The following TTC33 variants were observed in gnomAD, a reference collection of about 807,000 sequenced individuals.
TTC33 encodes the protein tetratricopeptide repeat domain 33.
TTC33 carries 24 observed loss-of-function variants against 29.4 expected under a neutral mutation model. The ratio of observed to expected loss-of-function variants is 0.82; its 90% confidence interval spans 0.59 to 1.15. TTC33 has a LOEUF of 1.15. Among genes scored for constraint, TTC33 ranks in the 50% most tolerant of loss-of-function variants. The pLI is 0.00. For synonymous variants in TTC33, 107 were observed against 100.3 expected (o/e 1.07, Z -0.40); for missense variants, 286 against 310.4 (o/e 0.92, Z 0.59).
chr5:40,726,760 C>T (rs1411040421), intron 4 of TTC33, among the ~76,000 whole-genome samples: 4 of 151,886 alleles, frequency 2.6e-5, no homozygotes, highest in African/African-American at 9.7e-5. Context: ...ATATTATGTC[C>T]TAGAGATTTG....
chr5:40,744,740 T>C (rs1295903980), intron 2 of TTC33, among the ~76,000 whole-genome samples: 2 of 152,128 alleles, frequency 1.3e-5, no homozygotes, highest in Non-Finnish European at 2.9e-5. Context: ...ACAATTCTTA[T>C]ACTGTCAAGT....
Position 40,715,827 on chromosome 5 carries a change from T to A in TTC33, c.*318A>T. 4.6e-6 allele frequency: 1 copy of A among 217,168 alleles called. No homozygotes were observed. The highest frequency in any genetic ancestry group is 1.0e-4 in the East Asian group (1 of 9,972). 13.5% of individuals were successfully genotyped at this position (217,168 alleles called of 1,614,324 possible). ...CAGCATTTCAGTAACATTGATCAAA[T>A]TATTCACTATTCAAGAATACATTTT... On this transcript the variant is annotated 3_prime_UTR_variant, in exon 5 of 5. Transcript: ENST00000337702.
intron 2 of TTC33, among the ~76,000 whole-genome samples, chr5:40,743,737 G>A (rs1742741905): frequency 6.6e-6 from 1 of 152,108 alleles, no homozygotes; most frequent in Non-Finnish European, 1.5e-5. Flanking sequence ...TCGCGCCACT[G>A]CACTCCAGCC....
intron 4 of TTC33, among the ~76,000 whole-genome samples, chr5:40,725,150 AT>A (rs1221514002): frequency 0.041 from 5,760 of 139,178 alleles, 104 homozygotes; most frequent in Middle Eastern, 0.11. Context: ...GCCCAGCCAA[AT>A]TTTTTTTTTT....
At chr5:40,723,096 T>C (rs1742187403) in intron 4 of TTC33, among the ~76,000 whole-genome samples, 3 of 152,006 alleles carry the variant, frequency 2.0e-5, no homozygotes, top group Admixed American at 2.0e-4. Flanking sequence ...CTAAGAAAAA[T>C]TCTTCTGCCT....
chr5:40,720,537 A>C (rs1487369507), intron 4 of TTC33, among the ~76,000 whole-genome samples: 1 of 152,236 alleles, frequency 6.6e-6, no homozygotes, highest in African/African-American at 2.4e-5. Context: ...AAGATAGTTT[A>C]AAATCTCCCA....
At chr5:40,746,750 T>A (rs1478425933) in intron 2 of TTC33, 48 bp downstream of exon 2, 3 of 1,404,732 alleles carry the variant, frequency 2.1e-6, no homozygotes, top group African/African-American at 1.4e-5. Flanking sequence ...GACAGTGAGC[T>A]AGAAAATGTA....
At chr5:40,744,122 C>T (rs563141201) in intron 2 of TTC33, among the ~76,000 whole-genome samples, 1 of 152,290 alleles carries the variant, frequency 6.6e-6, no homozygotes, top group East Asian at 1.9e-4. Context: ...TATGGATGTA[C>T]TCAAAGTATT....
chr5:40,733,380 TC>T (rs1051748987), intron 2 of TTC33, among the ~76,000 whole-genome samples: 5 of 152,094 alleles, frequency 3.3e-5, no homozygotes, highest in African/African-American at 1.2e-4. Context: ...TATTACTGTA[TC>T]CCAAAATAAG....
chr5:40,748,503 G>C (rs1742841365), intron 1 of TTC33, among the ~76,000 whole-genome samples: 1 of 152,072 alleles, frequency 6.6e-6, no homozygotes, highest in Non-Finnish European at 1.5e-5. Context: ...GCAAATTATG[G>C]CTATTTTTTC....
chr5:40,747,250 G>A (rs866818918), intron 1 of TTC33, among the ~76,000 whole-genome samples: 10 of 152,078 alleles, frequency 6.6e-5, no homozygotes, highest in South Asian at 2.1e-4. Flanking sequence ...TAGAGACGGG[G>A]TTTCTCCATG....
At chr5:40,724,100 G>A (rs922811475) in intron 4 of TTC33, among the ~76,000 whole-genome samples, 2 of 152,242 alleles carry the variant, frequency 1.3e-5, no homozygotes, top group African/African-American at 2.4e-5. Flanking sequence ...CACTATTCAC[G>A]ATAGCCAATA....
chr5:40,719,592 CTA>C (rs1211987160), intron 4 of TTC33, among the ~76,000 whole-genome samples: 3 of 152,196 alleles, frequency 2.0e-5, no homozygotes, highest in Admixed American at 1.3e-4. Context: ...CATATGATAA[CTA>C]TATGTTTCAT....
At chr5:40,754,205 G>A (rs986395638) in intron 1 of TTC33, among the ~76,000 whole-genome samples, 2 of 152,194 alleles carry the variant, frequency 1.3e-5, no homozygotes, top group African/African-American at 4.8e-5. Context: ...GAGACCTAGA[G>A]ATCAGGGGCT....
intron 4 of TTC33, among the ~76,000 whole-genome samples, chr5:40,718,016 C>A (rs1034416155): frequency 6.7e-6 from 1 of 150,140 alleles, no homozygotes; most frequent in Non-Finnish European, 1.5e-5. Context: ...GAGCCAAGAT[C>A]GCACAATTAT....
intron 4 of TTC33, among the ~76,000 whole-genome samples, chr5:40,726,341 C>T (rs1215888826): frequency 2.0e-5 from 3 of 151,688 alleles, no homozygotes; most frequent in South Asian, 2.1e-4. Context: ...TATTTACATA[C>T]ATAATTTCCT....
At chr5:40,718,738 GAA>G (rs979996038) in intron 4 of TTC33, among the ~76,000 whole-genome samples, 1 of 138,678 alleles carries the variant, frequency 7.2e-6, no homozygotes. Flanking sequence ...ATTCCGTCTC[GAA>G]AAAAAAAAAA....
At chr5:40,723,042 TG>T (rs776360557) in intron 4 of TTC33, among the ~76,000 whole-genome samples, 1 of 152,198 alleles carries the variant, frequency 6.6e-6, no homozygotes, top group Non-Finnish European at 1.5e-5. Flanking sequence ...TTACTGTGTC[TG>T]GGTAGAAAGA....
At chr5:40,735,755 C>T (rs1387156499) in intron 2 of TTC33, among the ~76,000 whole-genome samples, 3 of 152,074 alleles carry the variant, frequency 2.0e-5, no homozygotes, top group Non-Finnish European at 2.9e-5. Flanking sequence ...GATGAGAGAG[C>T]AGTGTATTTA....
Sources: allele counts gnomAD v4.1 joint callset (sites outside exome capture counted in the v4.1 genomes callset), GRCh38; gene constraint gnomAD v4.1.1; transcripts MANE v1.5; gene names NCBI Gene and HGNC (gene_info 2026-07-23, HGNC 2026-07-21).